SCARB1: variants seen among roughly 807,000 people sequenced by gnomAD.
SCARB1 encodes CD36 and LIMPII analogous 1.
Under a neutral mutation model 57.2 loss-of-function variants are expected in SCARB1, and 30 were observed. The observed-to-expected ratio is 0.52, with a 90% CI of 0.39 to 0.71. The LOEUF is 0.71. SCARB1 is among the 30% of genes least tolerant of loss of function. The pLI, the probability that SCARB1 is intolerant of heterozygous loss-of-function variation, is 0.00. For missense variants in SCARB1, 543 were observed against 671.2 expected (o/e 0.81, Z 2.11); for synonymous variants, 249 against 268.3 (o/e 0.93, Z 0.70).
intron 9 of SCARB1, among the ~76,000 whole-genome samples, chr12:124,792,349 T>C (rs959803150): frequency 2.0e-5 from 3 of 151,640 alleles, no homozygotes; most frequent in Admixed American, 1.3e-4. Context: ...CACAGGGAGG[T>C]CAGCAGCTGT....
chr12:124,793,235 T>C (rs1390738529), intron 9 of SCARB1, among the ~76,000 whole-genome samples: 1 of 152,178 alleles, frequency 6.6e-6, no homozygotes, highest in Admixed American at 6.5e-5. Context: ...GGGATTTTTC[T>C]AAGAGAATTT....
rs916423718 is a variant in SCARB1, at chr12:124,778,412, A to G, written c.*175T>C. 4 of 1,271,788 alleles carry G rather than the reference A, an allele frequency of 3.1e-6. No homozygotes were observed. Among genetic ancestry groups the G allele is most frequent in the South Asian group, 5.9e-5 (2 of 34,132 alleles). 78.8% of individuals were successfully genotyped at this position (1,271,788 alleles called of 1,614,324 possible). A position where few individuals can be genotyped will look rare whatever the true frequency, so the allele number is the denominator to read the frequency against. ...TGCACAAGCCTGCACGCATGTGTGT[A>G]TGTGTGCCAGGGCGTGTGTGCAGGT... On this transcript the variant is annotated 3_prime_UTR_variant, in exon 13 of 13. Coordinates refer to ENST00000261693, the MANE Select transcript of SCARB1 (RefSeq NM_005505.5).
In SCARB1 at chr12:124,793,363, C is replaced by T. The variant is rs370698290; in HGVS notation, c.1202+1832G>A. On this transcript the variant is annotated intron_variant, in intron 9 of 12. Coordinates refer to ENST00000261693, the MANE Select transcript of SCARB1 (RefSeq NM_005505.5). ...TAATGTTATAGCAAGTGCTGGTGCG[C>T]GTGGGGAGGAACTGGAACCCTGCTG... 3.3e-5 allele frequency among the ~76,000 whole-genome samples: 5 copies of T among 152,222 alleles called. No homozygotes were observed. In the East Asian group the frequency reaches 5.8e-4, roughly 18 times the overall value.
chr12:124,821,344 C>T, intron 1 of SCARB1: 1 of 984,404 alleles, frequency 1.0e-6, no homozygotes, highest in Non-Finnish European at 1.2e-6. Context: ...GCAGAGGCTG[C>T]TGGGCTGGAG....
At chr12:124,829,812 G>A (rs367603315) in intron 1 of SCARB1, among the ~76,000 whole-genome samples, 3 of 152,192 alleles carry the variant, frequency 2.0e-5, no homozygotes, top group Admixed American at 6.5e-5. Context: ...CTTCAATAGT[G>A]AACAAAATGG....
In SCARB1 at chr12:124,841,262, C is replaced by T. The variant is rs59507083; in HGVS notation, c.126+22333G>A. The stretch of plus-strand genomic sequence containing the variant: ...TGGCGGGCGCCTGTAGTCCCAGCTA[C>T]GCGGGAGGCTGAGGCAGGAGAATGG... On this transcript the variant is annotated intron_variant, in intron 1 of 12. Transcript: ENST00000261693. 5.4e-3 allele frequency among the ~76,000 whole-genome samples: 824 copies of T among 151,956 alleles called. 10 individuals are homozygous for T. The highest frequency in any genetic ancestry group is 0.019 in the African/African-American group (767 of 41,428).
At chr12:124,803,066 C>T (rs1456982936) in intron 7 of SCARB1, among the ~76,000 whole-genome samples, 5 of 152,182 alleles carry the variant, frequency 3.3e-5, no homozygotes, top group Admixed American at 6.5e-5. Flanking sequence ...CACAACGTCA[C>T]GGACGAATTG....
rs993340735 is a variant in SCARB1, at chr12:124,812,318, T to C, written c.631-353A>G. Among the ~76,000 whole-genome samples, 1 of 152,196 alleles carries C rather than the reference T, an allele frequency of 6.6e-6. No individual in the cohort carries two copies. Among genetic ancestry groups the C allele is most frequent in the African/African-American group, 2.4e-5 (1 of 41,446 alleles). On this transcript the variant is annotated intron_variant, in intron 4 of 12. Coordinates refer to ENST00000261693, the MANE Select transcript of SCARB1 (RefSeq NM_005505.5). The surrounding 1 kb of genome is among the most constrained non-coding windows in gnomAD (Gnocchi z 4.3). The stretch of plus-strand genomic sequence containing the variant: ...GAGCAATGAAAAAGGAGAAGTGGCA[T>C]GTCACTTGGGGGGATGCTTTAAGGA...
At chr12:124,811,774 A>G (rs1950537014) in intron 5 of SCARB1, 96 bp downstream of exon 5, 4 of 794,274 alleles carry the variant, frequency 5.0e-6, no homozygotes, top group Admixed American at 2.0e-5. Flanking sequence ...ACAAAGGAAG[A>G]AGGAGCTCTC....
intron 1 of SCARB1, among the ~76,000 whole-genome samples, chr12:124,862,227 G>A (rs1241800529): frequency 3.3e-5 from 5 of 152,208 alleles, no homozygotes; most frequent in African/African-American, 1.2e-4. Flanking sequence ...TGGGGGAGAA[G>A]AGGCCATTCT....
At chr12:124,830,953 C>G (rs984666529) in intron 1 of SCARB1, among the ~76,000 whole-genome samples, 1 of 150,120 alleles carries the variant, frequency 6.7e-6, no homozygotes, top group African/African-American at 2.5e-5. Flanking sequence ...GCTGGGACTA[C>G]AGGCATACGC....
At chr12:124,801,386 T>C (rs1192461866) in intron 7 of SCARB1, among the ~76,000 whole-genome samples, 1 of 152,144 alleles carries the variant, frequency 6.6e-6, no homozygotes, top group African/African-American at 2.4e-5. Context: ...TGCACAACCT[T>C]GTGACCCTGC....
At chr12:124,820,850 G>A (rs1272041534) in intron 1 of SCARB1, among the ~76,000 whole-genome samples, 2 of 152,170 alleles carry the variant, frequency 1.3e-5, no homozygotes, top group Non-Finnish European at 2.9e-5. Context: ...CTCAGGGGCG[G>A]GTTTCCCGGT....
At position 124,822,952 on chromosome 12, in the gene SCARB1, G is replaced by T. The variant is rs549885599; in HGVS notation, c.127-5245C>A. 9.2e-5 allele frequency among the ~76,000 whole-genome samples: 14 copies of T among 152,072 alleles called. No homozygotes were observed. Among genetic ancestry groups the T allele is most frequent in the Admixed American group, 3.9e-4 (6 of 15,280 alleles). ...ATTTACCGCTATGGAACAATCTCCA[G>T]AATATTTTAAGTAAAAAAAAATTTA... On this transcript the variant is annotated intron_variant, in intron 1 of 12. Transcript: ENST00000261693. This position sits in a 1 kb window ranked among gnomAD's most constrained non-coding sequence, Gnocchi z 5.0.
intron 1 of SCARB1, among the ~76,000 whole-genome samples, chr12:124,858,777 G>A (rs1209709870): frequency 6.6e-6 from 1 of 152,020 alleles, no homozygotes; most frequent in Non-Finnish European, 1.5e-5. Flanking sequence ...TACTCAGGAG[G>A]CTGAGGCAGG....
intron 7 of SCARB1, among the ~76,000 whole-genome samples, chr12:124,801,994 T>C (rs1566162481): frequency 6.7e-6 from 1 of 149,514 alleles, no homozygotes; most frequent in Non-Finnish European, 1.5e-5. Flanking sequence ...CTACTAAAAA[T>C]ACAAAATTAG....
At chr12:124,799,747 C>T (rs901940795) in intron 8 of SCARB1, among the ~76,000 whole-genome samples, 17 of 152,078 alleles carry the variant, frequency 1.1e-4, no homozygotes, top group Admixed American at 1.3e-4. Context: ...GAACTTCACA[C>T]GGGACAAATT....
intron 1 of SCARB1, among the ~76,000 whole-genome samples, chr12:124,843,952 T>G (rs1166893696): frequency 6.6e-6 from 1 of 152,068 alleles, no homozygotes; most frequent in Non-Finnish European, 1.5e-5. Flanking sequence ...GGAGAGGATG[T>G]GAGAGCTGGG....
intron 1 of SCARB1, among the ~76,000 whole-genome samples, chr12:124,823,131 T>C (rs1489938700): frequency 1.3e-5 from 2 of 151,734 alleles, no homozygotes; most frequent in African/African-American, 2.4e-5. Context: ...ACCTGGGAGG[T>C]TGGGGGATAA....
Sources: allele counts gnomAD v4.1 joint callset (sites outside exome capture counted in the v4.1 genomes callset), GRCh38; gene constraint gnomAD v4.1.1; non-coding constraint Gnocchi (gnomAD v3.1); transcripts MANE v1.5; gene names NCBI Gene and HGNC (gene_info 2026-07-23, HGNC 2026-07-21).